The following RGPD2 variants were observed in gnomAD, a reference collection of about 807,000 sequenced individuals.
RGPD2 encodes the protein RANBP2-like and GRIP domain-containing protein 2.
In RGPD2, 2 loss-of-function variants were observed where a neutral mutation model predicts 36.0. The observed-to-expected ratio is 0.06, with a 90% confidence interval of 0.02 to 0.17. The LOEUF (loss-of-function observed/expected upper bound fraction) is 0.17. Ranked by LOEUF, RGPD2 falls within the 10% of genes least tolerant of loss-of-function variation. The pLI is 1.00. For synonymous variants in RGPD2, 19 were observed against 163.8 expected (o/e 0.12, Z 6.75); for missense variants, 40 against 464.3 (o/e 0.09, Z 8.40).
chr2:87,871,665 A>G, the RGPD2 span, among the ~76,000 whole-genome samples: 1 of 152,090 alleles, frequency 6.6e-6, no homozygotes, highest in African/African-American at 2.4e-5. Flanking sequence ...TGGGAATTTG[A>G]GACCAGCCTG....
At chr2:87,876,899 G>A in the RGPD2 span, among the ~76,000 whole-genome samples, 1 of 152,050 alleles carries the variant, frequency 6.6e-6, no homozygotes, top group East Asian at 1.9e-4. Flanking sequence ...TATATTAGGT[G>A]CATATATAAT....
chr2:87,875,219 G>A, the RGPD2 span, among the ~76,000 whole-genome samples: 1 of 151,976 alleles, frequency 6.6e-6, no homozygotes, highest in South Asian at 2.1e-4. Flanking sequence ...TCATTGCCCT[G>A]GTCAGAACTT....
chr2:87,911,024 C>T, the RGPD2 span, among the ~76,000 whole-genome samples: 1 of 147,902 alleles, frequency 6.8e-6, no homozygotes, highest in African/African-American at 2.5e-5. Flanking sequence ...GCCTTAGACA[C>T]AGAGGAACTT....
chr2:87,965,656 G>A, the RGPD2 span, among the ~76,000 whole-genome samples: 1 of 145,006 alleles, frequency 6.9e-6, no homozygotes, highest in Non-Finnish European at 1.5e-5. Flanking sequence ...TGCCTCATTA[G>A]AACCTAACTT....
the RGPD2 span, among the ~76,000 whole-genome samples, chr2:87,877,885 T>A: frequency 6.7e-6 from 1 of 150,012 alleles, no homozygotes; most frequent in Non-Finnish European, 1.5e-5. Context: ...GAGTTTCTGC[T>A]GAGAGGTCCA....
chr2:87,809,156 T>C (rs1686051250), intron 6 of RGPD2, among the ~76,000 whole-genome samples: 1 of 150,052 alleles, frequency 6.7e-6, no homozygotes, highest in African/African-American at 2.4e-5. Context: ...ATACAAAAAA[T>C]TAGCTGGGTG....
the RGPD2 span, among the ~76,000 whole-genome samples, chr2:87,920,998 T>G: frequency 4.7e-3 from 702 of 148,914 alleles, 5 homozygotes; most frequent in African/African-American, 0.017. Flanking sequence ...TTATGATAGT[T>G]ATAGGCTGAT....
At position 87,825,711 on chromosome 2, in the gene RGPD2, A is replaced by G. The variant is rs773443306; in HGVS notation, c.19T>C (p.Tyr7His). The change falls in exon 1 of 23, where the codon TAC becomes CAC. Residue 7 changes from tyrosine to histidine, a missense_variant. Tyr to His is a moderately conservative substitution (Grantham distance 83, BLOSUM62 2). Coordinates refer to ENST00000398146, the MANE Select transcript of RGPD2 (RefSeq NM_001078170.3). MRRSKA[Y>H]GERYLASVQG... ...ACCGAGGCGAGGTACCGCTCCCCGTAGGCTTTGCTGCGCCTCATCGCACCG... is the reference window on the plus strand; with the variant it reads ...ACCGAGGCGAGGTACCGCTCCCCGTGGGCTTTGCTGCGCCTCATCGCACCG... 4.4e-6 allele frequency: 7 copies of G among 1,602,440 alleles called. No homozygotes were observed. In the East Asian group the frequency reaches 1.6e-4, roughly 36 times the overall value.
the RGPD2 span, among the ~76,000 whole-genome samples, chr2:87,937,405 G>C: frequency 6.6e-6 from 1 of 151,834 alleles, no homozygotes; most frequent in Admixed American, 6.6e-5. Context: ...AATTTATAAA[G>C]AGAAAAGTTT....
intron 8 of RGPD2, among the ~76,000 whole-genome samples, chr2:87,798,782 G>A (rs1685790003): frequency 8.1e-6 from 1 of 123,050 alleles, no homozygotes; most frequent in Admixed American, 8.6e-5. Context: ...GGAGGAGAAT[G>A]GCGTGAACCC....
intron 22 of RGPD2, among the ~76,000 whole-genome samples, chr2:87,763,367 C>T (rs1177785459): frequency 2.7e-5 from 4 of 148,864 alleles, no homozygotes; most frequent in Non-Finnish European, 5.9e-5. Flanking sequence ...CCGTGTTAGC[C>T]AGGATGGTCT....
the RGPD2 span, among the ~76,000 whole-genome samples, chr2:87,920,464 C>A: frequency 6.8e-6 from 1 of 147,470 alleles, no homozygotes; most frequent in Admixed American, 6.7e-5. Flanking sequence ...TTCGTCTCTG[C>A]TGGAAATTAC....
chr2:87,984,822 C>T, the RGPD2 span, among the ~76,000 whole-genome samples: 12 of 150,978 alleles, frequency 7.9e-5, no homozygotes, highest in East Asian at 3.9e-4. Context: ...CCCAGCTACT[C>T]GGGAGGCTGA....
the RGPD2 span, among the ~76,000 whole-genome samples, chr2:87,832,349 A>G: frequency 2.0e-5 from 3 of 151,500 alleles, no homozygotes; most frequent in Non-Finnish European, 4.4e-5. Context: ...TGAAAAGCAA[A>G]CTGTCGGAAC....
chr2:87,822,093 C>A (rs1266624537), intron 1 of RGPD2, among the ~76,000 whole-genome samples: 2 of 152,144 alleles, frequency 1.3e-5, no homozygotes, highest in African/African-American at 2.4e-5. Context: ...CTGATCAGCT[C>A]CAAATCTGTG....
intron 17 of RGPD2, among the ~76,000 whole-genome samples, chr2:87,790,702 C>A (rs1306163293): frequency 6.6e-6 from 1 of 151,054 alleles, no homozygotes; most frequent in South Asian, 2.1e-4. Context: ...GATTTTTGTG[C>A]AAATTCAAAA....
chr2:87,951,839 T>C, the RGPD2 span, among the ~76,000 whole-genome samples: 4 of 144,540 alleles, frequency 2.8e-5, no homozygotes, highest in Non-Finnish European at 6.0e-5. Context: ...CGCCTCAGCC[T>C]CCCAAAGTTC....
chr2:87,769,366 T>G (rs569866293), intron 22 of RGPD2, among the ~76,000 whole-genome samples: 2 of 152,094 alleles, frequency 1.3e-5, no homozygotes, highest in Non-Finnish European at 2.9e-5. Context: ...TGTACTCACA[T>G]TGATAAGAGA....
At chr2:87,920,167 TATTA>T in the RGPD2 span, among the ~76,000 whole-genome samples, 3 of 151,950 alleles carry the variant, frequency 2.0e-5, no homozygotes, top group Non-Finnish European at 2.9e-5. Flanking sequence ...ATCTGATAGA[TATTA>T]ATTAATTATG....
Sources: gnomAD v4.1 joint callset for allele counts (sites outside exome capture counted in the v4.1 genomes callset) on GRCh38, gnomAD v4.1.1 for gene constraint, MANE v1.5 for transcripts, NCBI Gene and HGNC (gene_info 2026-07-23, HGNC 2026-07-21) for gene names.